ANKHD1: variants seen among roughly 807,000 people sequenced by gnomAD.
The protein encoded by ANKHD1 is ankyrin repeat and KH domain containing 1.
In ANKHD1, 31 loss-of-function variants were observed where a neutral mutation model predicts 230.5. The observed-to-expected ratio is 0.13, with a 90% CI of 0.10 to 0.18. ANKHD1 has a LOEUF of 0.18. Among genes scored for constraint, ANKHD1 ranks in the 10% least tolerant of loss-of-function variants. ANKHD1 has a pLI of 1.00. For synonymous variants in ANKHD1, 1,074 were observed against 1,117.6 expected, an observed-to-expected ratio of 0.96 and a Z score of 0.78; for missense variants, 2,256 against 3,071.3, an observed-to-expected ratio of 0.73 and a Z score of 6.27.
intron 1 of ANKHD1, among the ~76,000 whole-genome samples, chr5:140,427,833 C>T (rs1772649113): frequency 6.6e-6 from 1 of 151,892 alleles, no homozygotes; most frequent in Non-Finnish European, 1.5e-5. Context: ...TTCCTCACTT[C>T]CCAGACGGGG....
At position 140,498,884 on chromosome 5, in the gene ANKHD1, G is replaced by A. The variant is rs577251254; in HGVS notation, c.3004+1606G>A. On this transcript the variant is annotated intron_variant, in intron 15 of 33. Coordinates refer to ENST00000360839, the MANE Select transcript of ANKHD1 (RefSeq NM_017747.3). The stretch of plus-strand genomic sequence containing the variant: ...TTTTTTTTTAAAGAATGTAGAAATA[G>A]CTCTAAAAGGAACTTGTAAGTGTTA... Among the ~76,000 whole-genome samples the A allele has an allele frequency of 8.6e-5, 13 of 151,244 alleles. No homozygotes were observed. The South Asian group carries it at 2.5e-3, about 29-fold the overall frequency.
chr5:140,450,807 C>T (rs969005416), intron 7 of ANKHD1, among the ~76,000 whole-genome samples: 1 of 151,618 alleles, frequency 6.6e-6, no homozygotes, highest in African/African-American at 2.4e-5. Context: ...TGTTGGAATT[C>T]CCCTCTTAAT....
At chr5:140,432,660 C>T (rs1773135470) in intron 1 of ANKHD1, among the ~76,000 whole-genome samples, 1 of 152,104 alleles carries the variant, frequency 6.6e-6, no homozygotes, top group Admixed American at 6.6e-5. Flanking sequence ...ACTGTTTCCA[C>T]AGTGGCTACA....
chr5:140,438,365 C>T, intron 2 of ANKHD1, 96 bp from the exon 3 acceptor site: 1 of 1,410,194 alleles, frequency 7.1e-7, no homozygotes. Flanking sequence ...TTTCTTTTTC[C>T]TAGATAATAG....
At chr5:140,511,944 T>C (rs972691634) in intron 22 of ANKHD1, among the ~76,000 whole-genome samples, 5 of 152,090 alleles carry the variant, frequency 3.3e-5, no homozygotes, top group South Asian at 2.1e-4. Context: ...TACATTAAAA[T>C]AGATATGCTG....
chr5:140,531,345 C>A (rs1366459741), intron 29 of ANKHD1: 3 of 410,622 alleles, frequency 7.3e-6, no homozygotes, highest in African/African-American at 2.1e-5. Flanking sequence ...CTTTGGGAAG[C>A]TGAGGCGAGT....
chr5:140,431,962 G>C (rs1449009447), intron 1 of ANKHD1, among the ~76,000 whole-genome samples: 1 of 152,064 alleles, frequency 6.6e-6, no homozygotes, highest in Non-Finnish European at 1.5e-5. Flanking sequence ...TCTCTCTAAT[G>C]GTGGTAATCA....
At chr5:140,427,012 G>T (rs965304254) in intron 1 of ANKHD1, among the ~76,000 whole-genome samples, 1 of 152,078 alleles carries the variant, frequency 6.6e-6, no homozygotes, top group Non-Finnish European at 1.5e-5. Context: ...ATCATGGCCC[G>T]TTCTCAATGA....
chr5:140,437,430 C>T (rs1368626598), intron 2 of ANKHD1, among the ~76,000 whole-genome samples: 1 of 152,202 alleles, frequency 6.6e-6, no homozygotes, highest in African/African-American at 2.4e-5. Context: ...TGGCTGGGCG[C>T]CATGGCTCAT....
chr5:140,469,208 A>C (rs554864638), intron 10 of ANKHD1, among the ~76,000 whole-genome samples: 3 of 151,502 alleles, frequency 2.0e-5, no homozygotes, highest in Non-Finnish European at 4.4e-5. Flanking sequence ...TGCATTATCT[A>C]CAAAAATCTT....
chr5:140,407,726 T>C (rs1373639182), intron 1 of ANKHD1, among the ~76,000 whole-genome samples: 1 of 152,208 alleles, frequency 6.6e-6, no homozygotes, highest in African/African-American at 2.4e-5. Context: ...TTTAGAATTG[T>C]GGTCTTTTAA....
Position 140,456,473 on chromosome 5 carries a change from A to G in ANKHD1, c.1243-2152A>G, listed in dbSNP as rs192626724. On this transcript the variant is annotated intron_variant, in intron 7 of 33. Coordinates refer to ENST00000360839, the MANE Select transcript of ANKHD1 (RefSeq NM_017747.3). ...TGACTTCAAACTATACTACAAGGCTACAGTAACCAAAACAGCATGGTACTT... is the reference window on the plus strand; with the variant it reads ...TGACTTCAAACTATACTACAAGGCTGCAGTAACCAAAACAGCATGGTACTT... Among the ~76,000 whole-genome samples, 821 of 152,360 alleles carry G rather than the reference A, an allele frequency of 5.4e-3. 5 individuals carry two copies. The highest frequency in any genetic ancestry group is 0.019 in the African/African-American group (780 of 41,586).
rs190663828 is a variant in ANKHD1, at chr5:140,513,616, C to T, written c.4317+137C>T. 779 of 761,890 alleles carry T rather than the reference C, an allele frequency of 1.0e-3. 6 individuals are homozygous for T. The East Asian group carries it at 0.011, about 10-fold the overall frequency. The allele number at this position is 761,890 out of a possible 1,614,324, so 47.2% of individuals were successfully genotyped here. A position where few individuals can be genotyped will look rare whatever the true frequency, so the allele number is the denominator to read the frequency against. On this transcript the variant is annotated intron_variant, in intron 24 of 33. Transcript: ENST00000360839. ...CTGAGGTCAGGAGTTCAAGACCAGC[C>T]TTGCTAACAAGGTGAAACCCTGTCT...
At position 140,539,366 on chromosome 5, in the gene ANKHD1, C is replaced by T; in HGVS notation, c.7577C>T (p.Pro2526Leu). ...TECTDAQQIW[P>L]GTWAPHIGNM... ...TTTCCTCCCCCTTTTCAGATTTGGC[C>T]TGGCACGTGGGCACCTCATATTGGA... The change falls in exon 34 of 34, where the codon CCT becomes CTT. Residue 2526 changes from proline (P) to leucine (L), a missense_variant. This residue lies in a region of ANKHD1 where 778 missense variants were observed against 966.5 expected (regional missense o/e 0.80). Coordinates refer to ENST00000360839, the MANE Select transcript of ANKHD1 (RefSeq NM_017747.3). 1.2e-6 allele frequency: 2 copies of T among 1,613,854 alleles called. No homozygotes were observed. The highest frequency in any genetic ancestry group is 1.7e-6 in the Non-Finnish European group (2 of 1,179,894).
chr5:140,537,931 G>T (rs1754153031), intron 31 of ANKHD1, among the ~76,000 whole-genome samples, 155 bp from the exon 32 acceptor site: 2 of 151,848 alleles, frequency 1.3e-5, no homozygotes, highest in Admixed American at 6.6e-5. Context: ...TCAGGAACTG[G>T]TTTTTTTTGG....
chr5:140,407,295 C>CA (rs372650696), intron 1 of ANKHD1, among the ~76,000 whole-genome samples: 87,168 of 120,214 alleles, frequency 0.73, 30,134 homozygotes, highest in East Asian at 0.84. Flanking sequence ...ACTCCATCTC[C>CA]AAAAAAAAAA....
At chr5:140,509,847 T>C (rs1752684455) in intron 21 of ANKHD1, 35 bp downstream of exon 21, 1 of 1,582,678 alleles carries the variant, frequency 6.3e-7, no homozygotes, top group Non-Finnish European at 8.5e-7. Flanking sequence ...GAACTTCTCA[T>C]GGTCATTTTC....
chr5:140,528,665 CATA>C lies in ANKHD1; in HGVS notation c.5724_5726del (p.Asn1909del). The C allele has an allele frequency of 1.2e-6, 2 of 1,614,150 alleles. No homozygotes were observed. Among genetic ancestry groups the C allele is most frequent in the Non-Finnish European group, 1.7e-6 (2 of 1,180,024 alleles). ...TGGCAACACAAATAGCTCTCCAAAG[CATA>C]ATAACACAAGCCGTCTACCTAACCA... On this transcript the variant is annotated inframe_deletion, in exon 29 of 34. Coordinates refer to ENST00000360839, the MANE Select transcript of ANKHD1 (RefSeq NM_017747.3).
At chr5:140,494,397 A>G (rs1406474475) in intron 14 of ANKHD1, among the ~76,000 whole-genome samples, 1 of 152,178 alleles carries the variant, frequency 6.6e-6, no homozygotes, top group African/African-American at 2.4e-5. Flanking sequence ...ACTTTAGGCC[A>G]GGAGTTCAAG....
Sources: gnomAD v4.1 joint callset for allele counts (sites outside exome capture counted in the v4.1 genomes callset) on GRCh38, gnomAD v4.1.1 for gene constraint, gnomAD v4.1.1 regional missense constraint, MANE v1.5 for transcripts, NCBI Gene and HGNC (gene_info 2026-07-23, HGNC 2026-07-21) for gene names.